Variants in DLG2 observed in about 807,000 individuals in gnomAD.
The protein encoded by DLG2 is discs large MAGUK scaffold protein 2, also known as disks large homolog 2.
Under a neutral mutation model 132.5 loss-of-function variants are expected in DLG2, and 45 were observed. The ratio of observed to expected loss-of-function variants is 0.34; its 90% CI spans 0.27 to 0.44. The LOEUF (loss-of-function observed/expected upper bound fraction) is 0.44, where lower values mean the gene tolerates loss of function less well. Ranked by LOEUF, DLG2 falls within the 20% of genes least tolerant of loss-of-function variation. The probability of loss-of-function intolerance (pLI) is 1.00; values close to 1 mark genes in which losing one functional copy is unlikely to be tolerated. For synonymous variants in DLG2, 424 were observed against 419.6 expected, an observed-to-expected ratio of 1.01 and a Z score of -0.13; for missense variants, 1,045 against 1,196.9, an observed-to-expected ratio of 0.87 and a Z score of 1.87.
intron 7 of DLG2, chr11:84,317,248 G>A: frequency 1.3e-6 from 2 of 1,506,344 alleles, no homozygotes; most frequent in Non-Finnish European, 1.8e-6. Flanking sequence ...TTTTTCCACC[G>A]TGGATTCCTC....
intron 4 of DLG2, among the ~76,000 whole-genome samples, chr11:85,174,934 G>C (rs2079116810): frequency 6.6e-6 from 1 of 152,028 alleles, no homozygotes; most frequent in South Asian, 2.1e-4. Flanking sequence ...TTAAAGCCCT[G>C]AATAGACCAA....
chr11:85,101,919 G>C (rs2070910348), intron 6 of DLG2, among the ~76,000 whole-genome samples: 1 of 152,034 alleles, frequency 6.6e-6, no homozygotes, highest in African/African-American at 2.4e-5. Context: ...TCTTTATACA[G>C]TGGCTATATA....
chr11:83,899,744 T>C (rs1368112646), intron 15 of DLG2, among the ~76,000 whole-genome samples: 3 of 152,228 alleles, frequency 2.0e-5, no homozygotes, highest in Non-Finnish European at 2.9e-5. Context: ...TCTTAGTCTC[T>C]TGTATGTCTT....
At chr11:84,509,881 T>C (rs901354358) in intron 7 of DLG2, among the ~76,000 whole-genome samples, 4 of 151,856 alleles carry the variant, frequency 2.6e-5, no homozygotes, top group Admixed American at 2.6e-4. Context: ...AAGGAGATAA[T>C]TGAGAAAGGG....
rs117547041 is a variant in DLG2 at position 83,779,440 on chromosome 11, A to T, written c.1825+7250T>A. On this transcript the variant is annotated intron_variant, in intron 18 of 27. Coordinates refer to ENST00000376104, the MANE Select transcript of DLG2 (RefSeq NM_001142699.3). Reference sequence around the variant, plus strand: ...AATTAACAACAGTAACATGCTAGAAATGAAAGTGATGCAGTATGCCCGAGA... The same window carrying T: ...AATTAACAACAGTAACATGCTAGAATTGAAAGTGATGCAGTATGCCCGAGA... Among the ~76,000 whole-genome samples, 168 of 152,320 alleles carry T rather than the reference A, an allele frequency of 1.1e-3. No individual in the cohort carries two copies. In the East Asian group the frequency reaches 0.026, roughly 24 times the overall value.
chr11:83,916,358 CA>C, intron 15 of DLG2, among the ~76,000 whole-genome samples: 1 of 151,982 alleles, frequency 6.6e-6, no homozygotes, highest in East Asian at 1.9e-4. Context: ...CTCTGTTGCC[CA>C]GGCTGGAGTG....
chr11:85,284,131 T>C (rs2078410192), intron 4 of DLG2, among the ~76,000 whole-genome samples: 2 of 151,952 alleles, frequency 1.3e-5, no homozygotes, highest in African/African-American at 4.8e-5. Context: ...CCCAACTTCA[T>C]GTACATATAT....
At chr11:83,879,680 A>G (rs1362644390) in intron 15 of DLG2, among the ~76,000 whole-genome samples, 1 of 152,326 alleles carries the variant, frequency 6.6e-6, no homozygotes, top group East Asian at 1.9e-4. Flanking sequence ...GACACTTAAC[A>G]TGAAGTGTCT....
At chr11:84,848,279 A>G (rs2081745519) in intron 6 of DLG2, among the ~76,000 whole-genome samples, 1 of 152,018 alleles carries the variant, frequency 6.6e-6, no homozygotes. Context: ...GCATCACTTG[A>G]GGCCAGGAGT....
intron 6 of DLG2, among the ~76,000 whole-genome samples, chr11:84,697,369 C>T (rs1443136861): frequency 2.0e-5 from 3 of 151,450 alleles, no homozygotes; most frequent in Non-Finnish European, 3.0e-5. Context: ...AGAATACACA[C>T]ATTTTGAATA....
intron 3 of DLG2, among the ~76,000 whole-genome samples, chr11:85,413,413 C>G (rs989532036): frequency 2.0e-5 from 3 of 151,772 alleles, no homozygotes; most frequent in African/African-American, 7.3e-5. Flanking sequence ...TTTAATTAAG[C>G]CCCAGCTATT....
At chr11:84,006,433 A>G (rs983632926) in intron 11 of DLG2, among the ~76,000 whole-genome samples, 2 of 151,618 alleles carry the variant, frequency 1.3e-5, no homozygotes, top group Admixed American at 1.3e-4. Context: ...TAGCTAGAAG[A>G]GAGGACTTGA....
At chr11:83,974,846 G>T (rs554233776) in intron 12 of DLG2, among the ~76,000 whole-genome samples, 1 of 151,960 alleles carries the variant, frequency 6.6e-6, no homozygotes, top group Admixed American at 6.6e-5. Flanking sequence ...GTGTCTTTCC[G>T]CTCGACTTCA....
At chr11:84,979,987 A>C (rs1460830798) in intron 6 of DLG2, among the ~76,000 whole-genome samples, 7 of 152,144 alleles carry the variant, frequency 4.6e-5, no homozygotes, top group Non-Finnish European at 1.0e-4. Context: ...TTTAGGAACC[A>C]GAAACCTGCT....
chr11:83,867,622 TG>T (rs1196358983), intron 16 of DLG2, among the ~76,000 whole-genome samples: 1 of 152,210 alleles, frequency 6.6e-6, no homozygotes, highest in East Asian at 1.9e-4. Context: ...AAAATATTTT[TG>T]CTATTTTGTT....
chr11:84,537,224 A>G (rs2099357708), intron 6 of DLG2, among the ~76,000 whole-genome samples: 1 of 152,096 alleles, frequency 6.6e-6, no homozygotes, highest in South Asian at 2.1e-4. Flanking sequence ...CTCCTGCCTC[A>G]GCCTCCCGAG....
chr11:84,455,723 C>G (rs78243275), intron 7 of DLG2, among the ~76,000 whole-genome samples: 153 of 151,468 alleles, frequency 1.0e-3, no homozygotes, highest in African/African-American at 3.4e-3. Context: ...TTTAAAAAGG[C>G]ATAGCCGCTA....
At chr11:84,022,549 G>GA (rs1384435511) in intron 11 of DLG2, among the ~76,000 whole-genome samples, 1 of 152,108 alleles carries the variant, frequency 6.6e-6, no homozygotes, top group Non-Finnish European at 1.5e-5. Flanking sequence ...AGCAGGAGAG[G>GA]AAAAACCTCT....
chr11:83,830,216 T>A (rs2054086191), intron 17 of DLG2, among the ~76,000 whole-genome samples: 1 of 152,222 alleles, frequency 6.6e-6, no homozygotes, highest in South Asian at 2.1e-4. Context: ...AAGATTGTTG[T>A]TATATTCTGT....
Sources: allele counts gnomAD v4.1 joint callset (sites outside exome capture counted in the v4.1 genomes callset), GRCh38; gene constraint gnomAD v4.1.1; transcripts MANE v1.5; gene names NCBI Gene and HGNC (gene_info 2026-07-23, HGNC 2026-07-21).